The following NELL1 variants were observed in gnomAD, a reference collection of about 807,000 sequenced individuals.
The protein encoded by NELL1 is neural EGFL like 1, also known as protein kinase C-binding protein NELL1.
In NELL1, 76 loss-of-function variants were observed where a neutral mutation model predicts 107.4. The observed-to-expected ratio is 0.71, with a 90% CI of 0.59 to 0.86. NELL1 has a LOEUF of 0.86. Ranked by LOEUF, NELL1 falls within the 40% of genes least tolerant of loss-of-function variation. The probability of loss-of-function intolerance (pLI) is 0.00; values close to 1 mark genes in which losing one functional copy is unlikely to be tolerated. For missense variants in NELL1, 1,024 were observed against 1,005.5 expected, an observed-to-expected ratio of 1.02 and a Z score of -0.25; for synonymous variants, 353 against 341.2, an observed-to-expected ratio of 1.03 and a Z score of -0.38.
At chr11:21,488,325 A>AT (rs1269065269) in intron 15 of NELL1, among the ~76,000 whole-genome samples, 2 of 152,186 alleles carry the variant, frequency 1.3e-5, no homozygotes, top group South Asian at 4.1e-4. Flanking sequence ...AACTTCTTCT[A>AT]TTTTTTTGAA....
Position 21,113,629 on chromosome 11 carries a change from C to G in NELL1, c.1341C>G (p.Ala447=). 6.2e-7 allele frequency: 1 copy of G among 1,612,060 alleles called. No homozygotes were observed. The part of the protein sequence containing the change: ...ECAAKMHYCH[A]NTVCVNLPGL... Reference sequence around the variant, plus strand: ...CAGCTAAGATGCATTACTGTCATGCCAATACTGTGTGTGTCAACCTTCCTG... The same window carrying G: ...CAGCTAAGATGCATTACTGTCATGCGAATACTGTGTGTGTCAACCTTCCTG... The change falls in exon 13 of 20, where the codon GCC becomes GCG. Residue 447 remains alanine (A), a synonymous_variant. Transcript: ENST00000357134.
intron 14 of NELL1, chr11:21,260,847 A>T (rs1294812352): frequency 1.3e-5 from 2 of 151,158 alleles, no homozygotes; most frequent in Admixed American, 6.6e-5. Flanking sequence ...CTTTTTAAAT[A>T]TTTTTTTTTG....
At chr11:20,899,623 G>GT (rs1009230546) in intron 5 of NELL1, among the ~76,000 whole-genome samples, 6 of 152,002 alleles carry the variant, frequency 3.9e-5, no homozygotes, top group Non-Finnish European at 8.8e-5. Context: ...GCATGAAATC[G>GT]TAAGAACAGA....
chr11:20,833,896 C>G (rs758312161), intron 3 of NELL1, among the ~76,000 whole-genome samples: 1 of 152,108 alleles, frequency 6.6e-6, no homozygotes, highest in Non-Finnish European at 1.5e-5. Flanking sequence ...AGTGAGAAAG[C>G]TGACACTGGA....
intron 17 of NELL1, among the ~76,000 whole-genome samples, chr11:21,562,256 T>C (rs1392246142): frequency 2.0e-5 from 3 of 152,080 alleles, no homozygotes; most frequent in Non-Finnish European, 4.4e-5. Context: ...ATTTCTTCTG[T>C]TTTGAATCCT....
chr11:20,715,004 G>A (rs896722071), intron 2 of NELL1, among the ~76,000 whole-genome samples: 1 of 152,116 alleles, frequency 6.6e-6, no homozygotes, highest in African/African-American at 2.4e-5. Flanking sequence ...AGTACTTCGG[G>A]AGGCCAAGGC....
chr11:21,460,732 C>T (rs1000145926), intron 15 of NELL1, among the ~76,000 whole-genome samples: 1 of 152,028 alleles, frequency 6.6e-6, no homozygotes, highest in Non-Finnish European at 1.5e-5. Context: ...TGTAACTAGC[C>T]TATTTCTATT....
chr11:21,218,333 G>A (rs543386959), intron 13 of NELL1, among the ~76,000 whole-genome samples: 113 of 151,970 alleles, frequency 7.4e-4, no homozygotes, highest in Non-Finnish European at 1.3e-3. Flanking sequence ...AAGATTTCTC[G>A]ATCAATTTTT....
At chr11:21,534,866 A>G (rs1319811431) in intron 16 of NELL1, among the ~76,000 whole-genome samples, 6 of 152,152 alleles carry the variant, frequency 3.9e-5, no homozygotes, top group Non-Finnish European at 7.4e-5. Flanking sequence ...AGGAAATGTT[A>G]AATAATACTG....
chr11:20,945,378 C>T (rs1008114324), intron 10 of NELL1, among the ~76,000 whole-genome samples: 5 of 152,206 alleles, frequency 3.3e-5, no homozygotes, highest in Non-Finnish European at 5.9e-5. Flanking sequence ...TTGGGTCATA[C>T]GCATGGGAGT....
intron 14 of NELL1, 147 bp downstream of exon 14, chr11:21,229,601 T>C: frequency 8.8e-7 from 1 of 1,130,458 alleles, no homozygotes; most frequent in South Asian, 1.6e-5. Context: ...GTACTGTGCG[T>C]CAGGGAAAAA....
chr11:21,495,707 G>C (rs977858805), intron 15 of NELL1, among the ~76,000 whole-genome samples: 4 of 151,846 alleles, frequency 2.6e-5, no homozygotes, highest in Non-Finnish European at 5.9e-5. Context: ...TGTCCTGGTG[G>C]GTATGCTGTG....
chr11:20,948,673 T>C (rs961206444), intron 11 of NELL1, among the ~76,000 whole-genome samples: 11 of 149,474 alleles, frequency 7.4e-5, no homozygotes, highest in African/African-American at 2.7e-4. Flanking sequence ...TCCTATGTCT[T>C]AAAACCCAGC....
At position 21,253,440 on chromosome 11, in the gene NELL1, T is replaced by C. The variant is rs1045449574; in HGVS notation, c.1549+23986T>C. 2.0e-5 allele frequency among the ~76,000 whole-genome samples: 3 copies of C among 152,240 alleles called. No homozygotes were observed. The South Asian group carries it at 6.2e-4, about 32-fold the overall frequency. On this transcript the variant is annotated intron_variant, in intron 14 of 19. Transcript: ENST00000357134. ...TTCTAAGAATAACCCTTTAGGTAAA[T>C]ACTGTCTTCAACCTTGTTTTATAGA...
At chr11:20,752,852 C>T (rs999768280) in intron 2 of NELL1, among the ~76,000 whole-genome samples, 8 of 151,972 alleles carry the variant, frequency 5.3e-5, no homozygotes, top group Admixed American at 2.0e-4. Flanking sequence ...ATATGGCCCA[C>T]GTATCAGAAA....
At chr11:21,324,554 A>G (rs1201601477) in intron 14 of NELL1, among the ~76,000 whole-genome samples, 1 of 152,084 alleles carries the variant, frequency 6.6e-6, no homozygotes, top group Non-Finnish European at 1.5e-5. Flanking sequence ...TCCTTGAAAC[A>G]GATTAGTGAT....
intron 13 of NELL1, among the ~76,000 whole-genome samples, chr11:21,149,487 A>C (rs1856065181): frequency 6.6e-6 from 1 of 152,180 alleles, no homozygotes; most frequent in African/African-American, 2.4e-5. Context: ...CATTTATGAA[A>C]CCATCAGATG....
At chr11:21,429,755 C>T (rs1320326442) in intron 15 of NELL1, among the ~76,000 whole-genome samples, 2 of 152,128 alleles carry the variant, frequency 1.3e-5, no homozygotes, top group Non-Finnish European at 2.9e-5. Flanking sequence ...GCAGGAAAGT[C>T]CCTTGTCTAT....
intron 2 of NELL1, among the ~76,000 whole-genome samples, chr11:20,755,540 G>GTTTTTTTTTTTTTTT (rs1463795241): frequency 1.0e-4 from 2 of 19,148 alleles, no homozygotes; most frequent in African/African-American, 1.9e-4. Context: ...GTGGGTTTTT[G>GTTTTTTTTTTTTTTT]TTTTTTTTTG....
Sources: allele counts gnomAD v4.1 joint callset (sites outside exome capture counted in the v4.1 genomes callset), GRCh38; gene constraint gnomAD v4.1.1; transcripts MANE v1.5; gene names NCBI Gene and HGNC (gene_info 2026-07-23, HGNC 2026-07-21).